SPTBN1: variants seen among roughly 807,000 people sequenced by gnomAD.
SPTBN1 encodes spectrin beta, non-erythrocytic 1.
Under a neutral mutation model 266.4 loss-of-function variants are expected in SPTBN1, and 32 were observed. The observed-to-expected ratio is 0.12, with a 90% CI of 0.09 to 0.16. The LOEUF (loss-of-function observed/expected upper bound fraction) is 0.16, where lower values mean the gene tolerates loss of function less well. Among genes scored for constraint, SPTBN1 ranks in the 10% least tolerant of loss-of-function variants. The probability of loss-of-function intolerance (pLI) is 1.00; values close to 1 mark genes in which losing one functional copy is unlikely to be tolerated. For synonymous variants in SPTBN1, 1,336 were observed against 1,162.2 expected, an observed-to-expected ratio of 1.15 and a Z score of -3.04; for missense variants, 2,296 against 3,067.1, an observed-to-expected ratio of 0.75 and a Z score of 5.94.
At chr2:54,594,627 A>T (rs1050233226) in intron 2 of SPTBN1, among the ~76,000 whole-genome samples, 4 of 152,160 alleles carry the variant, frequency 2.6e-5, no homozygotes, top group African/African-American at 4.8e-5. Flanking sequence ...TTATATTTTA[A>T]TAAAAAAGAA....
chr2:54,559,679 C>G (rs992358316), intron 2 of SPTBN1, among the ~76,000 whole-genome samples: 7 of 152,306 alleles, frequency 4.6e-5, no homozygotes, highest in African/African-American at 1.4e-4. Flanking sequence ...CCAGCAGTGT[C>G]TCAGAGCTTA....
intron 2 of SPTBN1, among the ~76,000 whole-genome samples, chr2:54,588,691 C>T (rs2104612050): frequency 6.6e-6 from 1 of 152,298 alleles, no homozygotes; most frequent in South Asian, 2.1e-4. Context: ...CCTAACTGAT[C>T]AGTCACCCTG....
rs1332710627 is a variant in SPTBN1, at chr2:54,649,911, G to T, written c.5499G>T (p.Gly1833=). Reference sequence around the variant, plus strand: ...ACAAGAAACTCCCTGAGGAGCTTGGGAGAGATCAGAACACAGTGGAGACCT... The same window carrying T: ...ACAAGAAACTCCCTGAGGAGCTTGGTAGAGATCAGAACACAGTGGAGACCT... The part of the protein sequence containing the change: ...DKHKKLPEEL[G]RDQNTVETLQ... The change falls in exon 26 of 36, where the codon GGG becomes GGT. Residue 1833 remains glycine (G), a synonymous_variant. Transcript: ENST00000356805. The surrounding 1 kb of genome is among the most constrained non-coding windows in gnomAD (Gnocchi z 6.7). 2 of 1,614,228 alleles carry T rather than the reference G, an allele frequency of 1.2e-6. No individual in the cohort carries two copies. The highest frequency in any genetic ancestry group is 2.2e-5 in the South Asian group (2 of 91,084).
intron 1 of SPTBN1, among the ~76,000 whole-genome samples, chr2:54,456,729 T>C (rs1693051827): frequency 6.7e-6 from 1 of 150,348 alleles, no homozygotes; most frequent in Non-Finnish European, 1.5e-5. Context: ...TCGCGGGTGC[T>C]CATTGGTACT....
At chr2:54,469,517 G>C (rs1693810381) in intron 1 of SPTBN1, among the ~76,000 whole-genome samples, 1 of 152,186 alleles carries the variant, frequency 6.6e-6, no homozygotes, top group Non-Finnish European at 1.5e-5. Flanking sequence ...GTTTGCAGGT[G>C]GCCAAAGCCC....
intron 1 of SPTBN1, among the ~76,000 whole-genome samples, chr2:54,525,206 A>AG (rs1670727396): frequency 6.6e-6 from 1 of 152,168 alleles, no homozygotes; most frequent in Non-Finnish European, 1.5e-5. Flanking sequence ...TTGAGCATCT[A>AG]CCATGCACTG....
At chr2:54,507,870 C>G (rs1669657521) in intron 1 of SPTBN1, among the ~76,000 whole-genome samples, 1 of 148,822 alleles carries the variant, frequency 6.7e-6, no homozygotes. Context: ...GCAAAGCCAG[C>G]AATTGTTTGT....
chr2:54,475,479 C>G (rs1667778739), intron 1 of SPTBN1, among the ~76,000 whole-genome samples: 1 of 152,102 alleles, frequency 6.6e-6, no homozygotes, highest in Non-Finnish European at 1.5e-5. Context: ...CTCTTGCCTG[C>G]TCCCCTTGCA....
At chr2:54,588,053 A>T (rs1285435895) in intron 2 of SPTBN1, among the ~76,000 whole-genome samples, 1 of 152,162 alleles carries the variant, frequency 6.6e-6, no homozygotes, top group Non-Finnish European at 1.5e-5. Context: ...AACAAATGGG[A>T]TGTGGGATCA....
Position 54,554,941 on chromosome 2 carries a change from G to A in SPTBN1, c.148+28375G>A, listed in dbSNP as rs539863407. Among the ~76,000 whole-genome samples the A allele has an allele frequency of 6.6e-5, 10 of 152,112 alleles. No homozygotes were observed. Among genetic ancestry groups the A allele is most frequent in the African/African-American group, 2.2e-4 (9 of 41,498 alleles). On this transcript the variant is annotated intron_variant, in intron 2 of 35. Transcript: ENST00000356805. This position sits in a 1 kb window ranked among gnomAD's most constrained non-coding sequence, Gnocchi z 4.5. ...TTCGTCCTCCTCCTCCTCCTTTCTC[G>A]TTATTTTCTAACTCCCTGTAACCCA...
chr2:54,642,933 A>AG, intron 18 of SPTBN1, 50 bp from the exon 19 acceptor site: 1 of 1,582,482 alleles, frequency 6.3e-7, no homozygotes, highest in Non-Finnish European at 8.6e-7. Context: ...GGCGGAAAAA[A>AG]GGCTGATGTC....
At chr2:54,553,436 T>TG (rs756720122) in intron 2 of SPTBN1, among the ~76,000 whole-genome samples, 45 of 152,168 alleles carry the variant, frequency 3.0e-4, no homozygotes, top group Non-Finnish European at 1.6e-4. Flanking sequence ...ATAAATGCAG[T>TG]GGCATGGTTT....
At chr2:54,507,347 G>C (rs139100345) in intron 1 of SPTBN1, among the ~76,000 whole-genome samples, 1 of 152,006 alleles carries the variant, frequency 6.6e-6, no homozygotes, top group East Asian at 1.9e-4. Context: ...AAAGTGTTGG[G>C]GTGGGGAAAA....
rs1299966153 is a variant in SPTBN1 at position 54,466,362 on chromosome 2, A to AG, written c.-48+9844_-48+9845insG. Among the ~76,000 whole-genome samples, 53 of 89,248 alleles carry AG rather than the reference A, an allele frequency of 5.9e-4. 1 individual carries two copies. The highest frequency in any genetic ancestry group is 1.9e-3 in the South Asian group (6 of 3,210). 58.6% of individuals were successfully genotyped at this position (89,248 alleles called of 152,430 possible). ...TAATTAAGTATGTTTATTCTTCGAG[A>AG]CCATCCTGGCTAACACGGTGAAACC... is the stretch of plus-strand genomic sequence containing the variant. On this transcript the variant is annotated intron_variant, in intron 1 of 35. Transcript: ENST00000356805.
Position 54,629,652 on chromosome 2 carries a change from C to A in SPTBN1, c.2518C>A (p.Leu840Met). 1.2e-6 allele frequency: 2 copies of A among 1,613,882 alleles called. No homozygotes were observed. Among genetic ancestry groups the A allele is most frequent in the Non-Finnish European group, 1.7e-6 (2 of 1,179,954 alleles). ...RYKEVAELTR[L>M]RKQALQDTLA... ...TAAGGAGGTGGCAGAGCTGACGCGGCTGCGGAAGCAGGCACTCCAGGACAC... is the reference window on the plus strand; with the variant it reads ...TAAGGAGGTGGCAGAGCTGACGCGGATGCGGAAGCAGGCACTCCAGGACAC... The change falls in exon 14 of 36, where the codon CTG (leucine) becomes ATG (methionine). Residue 840 changes from leucine to methionine, a missense_variant. Coordinates refer to ENST00000356805, the MANE Select transcript of SPTBN1 (RefSeq NM_003128.3).
At chr2:54,547,090 G>A (rs975192249) in intron 2 of SPTBN1, among the ~76,000 whole-genome samples, 3 of 151,818 alleles carry the variant, frequency 2.0e-5, no homozygotes, top group African/African-American at 7.3e-5. Flanking sequence ...TTGAAAAACT[G>A]AAACTCTACA....
intron 2 of SPTBN1, among the ~76,000 whole-genome samples, chr2:54,580,609 A>G (rs1674828610): frequency 6.6e-6 from 1 of 151,968 alleles, no homozygotes; most frequent in Admixed American, 6.5e-5. Flanking sequence ...CCAAAAAAAA[A>G]AAAAAATCTC....
chr2:54,644,920 T>C (rs1679819838), intron 20 of SPTBN1, among the ~76,000 whole-genome samples: 1 of 152,258 alleles, frequency 6.6e-6, no homozygotes, highest in Non-Finnish European at 1.5e-5. Context: ...AGAAATATTC[T>C]CATACTTTGT....
At chr2:54,635,816 C>A (rs567330731) in intron 17 of SPTBN1, among the ~76,000 whole-genome samples, 12 of 152,200 alleles carry the variant, frequency 7.9e-5, no homozygotes, top group African/African-American at 2.9e-4. Context: ...TAAAGATTTG[C>A]GTTCTTGAAC....
Sources: gnomAD v4.1 joint callset for allele counts (sites outside exome capture counted in the v4.1 genomes callset) on GRCh38, gnomAD v4.1.1 for gene constraint, Gnocchi (gnomAD v3.1) non-coding constraint, MANE v1.5 for transcripts, NCBI Gene and HGNC (gene_info 2026-07-23, HGNC 2026-07-21) for gene names.